The following ADAMTS2 variants were observed in gnomAD, a reference collection of about 807,000 sequenced individuals.
ADAMTS2 encodes the protein A disintegrin and metalloproteinase with thrombospondin motifs 2.
ADAMTS2 carries 50 observed loss-of-function variants against 123.0 expected under a neutral mutation model. That is an observed-to-expected ratio of 0.41 (90% CI 0.32 to 0.51). The LOEUF is 0.51. Ranked by LOEUF, ADAMTS2 falls within the 20% of genes least tolerant of loss-of-function variation. The pLI is 0.35. For missense variants in ADAMTS2, 1,494 were observed against 1,705.2 expected (o/e 0.88, Z 2.18); for synonymous variants, 678 against 695.4 (o/e 0.98, Z 0.39).
In ADAMTS2 at chr5:179,208,052, C is replaced by T. The variant is rs936573771; in HGVS notation, c.689-337G>A. ...TGTGAGAGACCCAGCCCAGCATCAC[C>T]GTCTGCCTTATGGAGCCCAGGGCTG... On this transcript the variant is annotated intron_variant, in intron 3 of 21. Coordinates refer to ENST00000251582, the MANE Select transcript of ADAMTS2 (RefSeq NM_014244.5). 8.4e-5 allele frequency among the ~76,000 whole-genome samples: 8 copies of T among 94,902 alleles called. No individual in the cohort carries two copies. The East Asian group carries it at 2.4e-3, about 28-fold the overall frequency. 62.3% of individuals were successfully genotyped at this position (94,902 alleles called of 152,430 possible). A position where few individuals can be genotyped will look rare whatever the true frequency, so the allele number is the denominator to read the frequency against.
chr5:179,155,942 A>C lies in ADAMTS2; in HGVS notation c.1133-1023T>G, dbSNP rs1367939202. 1.3e-5 allele frequency among the ~76,000 whole-genome samples: 2 copies of C among 152,170 alleles called. No homozygotes were observed. The highest frequency in any genetic ancestry group is 2.9e-5 in the Non-Finnish European group (2 of 68,044). On this transcript the variant is annotated intron_variant, in intron 6 of 21. Coordinates refer to ENST00000251582, the MANE Select transcript of ADAMTS2 (RefSeq NM_014244.5). This position sits in a 1 kb window ranked among gnomAD's most constrained non-coding sequence, Gnocchi z 5.1. ...GAGCTGGCGGTGTACGCGCCTAAAA[A>C]TAGAAGCATCGTGATCTAACCCTTG...
chr5:179,124,948 G>A (rs1342468444), intron 19 of ADAMTS2, 25 bp downstream of exon 19: 4 of 1,600,324 alleles, frequency 2.5e-6, no homozygotes, highest in Non-Finnish European at 3.4e-6. Context: ...TGGAGCTGAG[G>A]ACACGGGATC....
At chr5:179,226,006 A>C (rs1476578138) in intron 3 of ADAMTS2, among the ~76,000 whole-genome samples, 2 of 151,898 alleles carry the variant, frequency 1.3e-5, no homozygotes, top group Non-Finnish European at 2.9e-5. Flanking sequence ...ACCCCTAGAC[A>C]CTGCTGTGGG....
rs970006818 is a variant in ADAMTS2, at chr5:179,271,587, G to A, written c.688+1324C>T. Among the ~76,000 whole-genome samples, 12 of 152,272 alleles carry A rather than the reference G, an allele frequency of 7.9e-5. No homozygotes were observed. In the East Asian group the frequency reaches 1.7e-3, roughly 22 times the overall value. On this transcript the variant is annotated intron_variant, in intron 3 of 21. Coordinates refer to ENST00000251582, the MANE Select transcript of ADAMTS2 (RefSeq NM_014244.5). ...TCCCTGCAAAATAGTCCAAGGGTGG[G>A]GATAAGTCGAGGCTGAGACCACAGC...
intron 4 of ADAMTS2, among the ~76,000 whole-genome samples, chr5:179,196,474 G>A (rs187724019): frequency 8.2e-4 from 125 of 152,258 alleles, no homozygotes; most frequent in African/African-American, 2.7e-3. Flanking sequence ...CTGCATGCCC[G>A]GAAACCTGCT....
intron 21 of ADAMTS2, among the ~76,000 whole-genome samples, chr5:179,116,262 C>A (rs1227475412): frequency 9.1e-5 from 3 of 33,100 alleles, no homozygotes; most frequent in African/African-American, 2.8e-4. Flanking sequence ...ACCACGGCAC[C>A]CCCCCCCCAC....
rs114501319 is a variant in ADAMTS2 at position 179,314,351 on chromosome 5, C to T, written c.534+29416G>A. On this transcript the variant is annotated intron_variant, in intron 2 of 21. Transcript: ENST00000251582. This position sits in a 1 kb window ranked among gnomAD's most constrained non-coding sequence, Gnocchi z 4.5. ...CACGTCTCACTGGGAGCTGGGCGGCCGCCAGCTCTGAGCTAAGTGAGCGCA... is the reference window on the plus strand; with the variant it reads ...CACGTCTCACTGGGAGCTGGGCGGCTGCCAGCTCTGAGCTAAGTGAGCGCA... Among the ~76,000 whole-genome samples, 1,451 of 152,334 alleles carry T rather than the reference C, an allele frequency of 9.5e-3. 23 individuals carry two copies. The highest frequency in any genetic ancestry group is 0.032 in the African/African-American group (1,320 of 41,586).
In ADAMTS2 at chr5:179,128,031, G is replaced by A. The variant is rs1581140577; in HGVS notation, c.2545C>T (p.Leu849=). 1 of 1,614,092 alleles carries A rather than the reference G, an allele frequency of 6.2e-7. No homozygotes were observed. Among genetic ancestry groups the A allele is most frequent in the Middle Eastern group, 1.6e-4 (1 of 6,062 alleles). ...DSLNVDDNNV[L]EEDSVVYEWA... is the part of the protein sequence containing the mutation. ...TCGTAGACCACAGAGTCCTCTTCCAGGACGTTGTTGTCGTCGACATTCAGT... is the reference window on the plus strand; with the variant it reads ...TCGTAGACCACAGAGTCCTCTTCCAAGACGTTGTTGTCGTCGACATTCAGT... Residue 849 remains leucine, a synonymous_variant, in exon 17 of 22, where the codon CTG becomes TTG. Transcript: ENST00000251582. The surrounding 1 kb of genome is among the most constrained non-coding windows in gnomAD (Gnocchi z 4.9).
At chr5:179,123,422 TG>T (rs1371059769) in intron 19 of ADAMTS2, among the ~76,000 whole-genome samples, 1 of 152,226 alleles carries the variant, frequency 6.6e-6, no homozygotes, top group African/African-American at 2.4e-5. Flanking sequence ...TGTTTTGTTT[TG>T]TTTCTTTTGT....
At chr5:179,344,727 G>A (rs11745354) in intron 1 of ADAMTS2, among the ~76,000 whole-genome samples, 3 of 152,114 alleles carry the variant, frequency 2.0e-5, no homozygotes, top group African/African-American at 7.2e-5. Flanking sequence ...AGCGCCCGAG[G>A]ACTGGGAGGG....
intron 3 of ADAMTS2, among the ~76,000 whole-genome samples, chr5:179,253,370 G>A (rs650665): frequency 2.0e-5 from 3 of 152,192 alleles, no homozygotes; most frequent in African/African-American, 7.2e-5. Context: ...CCGGCCGGGC[G>A]CAGTGGCTCA....
intron 2 of ADAMTS2, among the ~76,000 whole-genome samples, chr5:179,301,997 C>T (rs1211986203): frequency 6.6e-6 from 1 of 152,208 alleles, no homozygotes; most frequent in East Asian, 1.9e-4. Context: ...AGCCCTCAGG[C>T]CCCAGGCTCC....
chr5:179,342,009 C>T (rs1434827898), intron 2 of ADAMTS2, among the ~76,000 whole-genome samples: 1 of 152,200 alleles, frequency 6.6e-6, no homozygotes, highest in African/African-American at 2.4e-5. Context: ...CCCAGGAGCA[C>T]ACTCTCCAAG....
rs1554128903 is a variant in ADAMTS2, at chr5:179,189,510, G to GCTTTTTTTTTTTTTTTTTT, written c.892-8356_892-8355insAAAAAAAAAAAAAAAAAAG. On this transcript the variant is annotated intron_variant, in intron 4 of 21. Transcript: ENST00000251582. The surrounding 1 kb of genome is among the most constrained non-coding windows in gnomAD (Gnocchi z 4.2). ...CTACAGGCGCCCGCCAGTGCGCCTG[G>GCTTTTTTTTTTTTTTTTTT]TTTTTTTTTTTTTTTTTTTTTTTTT... Among the ~76,000 whole-genome samples, 2 of 78,948 alleles carry GCTTTTTTTTTTTTTTTTTT rather than the reference G, an allele frequency of 2.5e-5. No individual in the cohort carries two copies. The allele number at this position is 78,948 out of a possible 152,430, so 51.8% of individuals were successfully genotyped here. A position where few individuals can be genotyped will look rare whatever the true frequency, so the allele number is the denominator to read the frequency against.
chr5:179,320,418 C>T (rs1757133032), intron 2 of ADAMTS2, among the ~76,000 whole-genome samples: 2 of 152,222 alleles, frequency 1.3e-5, no homozygotes, highest in African/African-American at 4.8e-5. Context: ...CACCATTTTC[C>T]TGCCTCAGCC....
chr5:179,116,260 A>ACCCCCCCCCCCCCCCCCCC (rs146306326), intron 21 of ADAMTS2, among the ~76,000 whole-genome samples: 54 of 93,858 alleles, frequency 5.8e-4, no homozygotes, highest in Non-Finnish European at 6.7e-4. Context: ...TGACCACGGC[A>ACCCCCCCCCCCCCCCCCCC]CCCCCCCCCC....
intron 13 of ADAMTS2, among the ~76,000 whole-genome samples, chr5:179,134,866 CCCGGGT>C (rs1428585186): frequency 1.2e-5 from 1 of 81,410 alleles, no homozygotes; most frequent in African/African-American, 4.4e-5. Flanking sequence ...GCTCCCAGCT[CCCGGGT>C]CCAGCTCCCG....
intron 10 of ADAMTS2, among the ~76,000 whole-genome samples, chr5:179,148,430 G>A (rs765492907): frequency 8.5e-5 from 13 of 152,122 alleles, no homozygotes; most frequent in Non-Finnish European, 1.0e-4. Context: ...TCAGGGTTGC[G>A]GTTCAAACGT....
chr5:179,195,003 G>C (rs1013671571), intron 4 of ADAMTS2, among the ~76,000 whole-genome samples: 1 of 152,202 alleles, frequency 6.6e-6, no homozygotes, highest in East Asian at 1.9e-4. Context: ...GCCTTTGCGC[G>C]CGCTGTGCCA....
Sources: allele counts gnomAD v4.1 joint callset (sites outside exome capture counted in the v4.1 genomes callset), GRCh38; gene constraint gnomAD v4.1.1; non-coding constraint Gnocchi (gnomAD v3.1); transcripts MANE v1.5; gene names NCBI Gene and HGNC (gene_info 2026-07-23, HGNC 2026-07-21).